Variants in EP400 observed in about 807,000 individuals in gnomAD.
The protein encoded by EP400 is E1A-binding protein p400.
EP400 carries 105 observed loss-of-function variants against 354.1 expected under a neutral mutation model. That is an observed-to-expected ratio of 0.30 (90% CI 0.25 to 0.35). The LOEUF is 0.35. Among genes scored for constraint, EP400 ranks in the 10% least tolerant of loss-of-function variants. The pLI, the probability that EP400 is intolerant of heterozygous loss-of-function variation, is 1.00. For synonymous variants in EP400, 1,646 were observed against 1,716.9 expected (o/e 0.96, Z 1.02); for missense variants, 3,280 against 4,121.0 (o/e 0.80, Z 5.59).
Position 132,029,484 on chromosome 12 carries a change from G to A in EP400, c.5382-217G>A, listed in dbSNP as rs1281506812. ...CATCAGCCCTGGACTGTCTGAATTA[G>A]TCCCCGAGGTGGTGGTTATTGGCCA... On this transcript the variant is annotated intron_variant, in intron 27 of 52. Transcript: ENST00000389561. This position sits in a 1 kb window ranked among gnomAD's most constrained non-coding sequence, Gnocchi z 4.7. 4 of 599,782 alleles carry A rather than the reference G, an allele frequency of 6.7e-6. No individual in the cohort carries two copies. The highest frequency in any genetic ancestry group is 5.6e-5 in the African/African-American group (3 of 53,870). 37.2% of individuals were successfully genotyped at this position (599,782 alleles called of 1,614,324 possible).
rs1411793801 is a variant in EP400 at position 132,079,129 on chromosome 12, T to C, written c.*1456T>C. 1 of 152,260 alleles carries C rather than the reference T, an allele frequency of 6.6e-6. No homozygotes were observed. The highest frequency in any genetic ancestry group is 1.5e-5 in the Non-Finnish European group (1 of 68,048). 9.4% of individuals were successfully genotyped at this position (152,260 alleles called of 1,614,324 possible). On this transcript the variant is annotated 3_prime_UTR_variant, in exon 53 of 53. Transcript: ENST00000389561. ...TTTCATCTGCTTCCTCCCCATTCTC[T>C]CACTTTAAGTGACATTGAGGAAGGT...
At chr12:132,043,787 T>G in intron 34 of EP400, 59 bp downstream of exon 34, 3 of 1,426,718 alleles carry the variant, frequency 2.1e-6, no homozygotes, top group Non-Finnish European at 2.9e-6. Flanking sequence ...GAGTTAAGTT[T>G]GATTTGAAGT....
intron 19 of EP400, among the ~76,000 whole-genome samples, chr12:132,016,561 G>A (rs866541268): frequency 5.3e-5 from 8 of 152,098 alleles, no homozygotes; most frequent in African/African-American, 1.2e-4. Context: ...TAGTAGAGAC[G>A]GGGTTTTACC....
At chr12:132,040,292 T>C (rs1045401835) in intron 32 of EP400, among the ~76,000 whole-genome samples, 1 of 151,974 alleles carries the variant, frequency 6.6e-6, no homozygotes, top group Non-Finnish European at 1.5e-5. Context: ...ACAGCCACCA[T>C]GGGAGACGGC....
intron 37 of EP400, 75 bp downstream of exon 37, chr12:132,045,028 G>GCTGT: frequency 7.4e-7 from 1 of 1,345,404 alleles, no homozygotes. Context: ...GCCACTTTCT[G>GCTGT]CTGTCTGCCT....
chr12:132,028,159 G>C lies in EP400; in HGVS notation c.5252G>C (p.Gly1751Ala). The change falls in exon 27 of 53, where the codon GGG becomes GCG. Residue 1751 changes from glycine to alanine, a missense_variant. Gly to Ala is a moderately conservative substitution (Grantham distance 60, BLOSUM62 0). Coordinates refer to ENST00000389561, the MANE Select transcript of EP400 (RefSeq NM_015409.5). ...LPSHGRVQWR[G>A]SLDGRRGKEA... ...AGCCATGGAAGGGTACAGTGGCGTG[G>C]GTCCCTGGATGGCCGTCGTGGGAAG... 6.2e-7 allele frequency: 1 copy of C among 1,614,132 alleles called. No individual in the cohort carries two copies. Among genetic ancestry groups the C allele is most frequent in the Non-Finnish European group, 8.5e-7 (1 of 1,180,018 alleles).
chr12:131,981,914 C>G (rs1241661123), intron 4 of EP400, among the ~76,000 whole-genome samples, 179 bp from the exon 5 acceptor site: 1 of 152,128 alleles, frequency 6.6e-6, no homozygotes, highest in Non-Finnish European at 1.5e-5. Flanking sequence ...TTGATGCTGA[C>G]TTGCAAAGGT....
At chr12:131,980,693 G>A (rs187747231) in intron 3 of EP400, among the ~76,000 whole-genome samples, 5 of 152,202 alleles carry the variant, frequency 3.3e-5, no homozygotes, top group Non-Finnish European at 5.9e-5. Flanking sequence ...CTACAGGCGC[G>A]TGCCACCACT....
chr12:131,964,196 G>A (rs964978326), intron 2 of EP400, among the ~76,000 whole-genome samples: 1 of 152,096 alleles, frequency 6.6e-6, no homozygotes, highest in Non-Finnish European at 1.5e-5. Context: ...AAAAACACAG[G>A]TCACTCACGC....
chr12:132,055,146 G>C lies in EP400; in HGVS notation c.7822G>C (p.Ala2608Pro), dbSNP rs762615911. The C allele has an allele frequency of 1.2e-5, 19 of 1,607,216 alleles. No individual in the cohort carries two copies. The African/African-American group carries it at 2.0e-4, about 17-fold the overall frequency. The change falls in exon 45 of 53, where the codon GCT becomes CCT. Residue 2608 changes from alanine (A) to proline (P), a missense_variant. Coordinates refer to ENST00000389561, the MANE Select transcript of EP400 (RefSeq NM_015409.5). ...VIVNTIAGVP[A>P]ATFQSINKRL... Reference sequence around the variant, plus strand: ...CGTGAACACCATCGCAGGGGTCCCAGCTGCCACCTTCCAGTCCATCAACAA... The same window carrying C: ...CGTGAACACCATCGCAGGGGTCCCACCTGCCACCTTCCAGTCCATCAACAA...
rs4076323 is a variant in EP400 at position 132,025,432 on chromosome 12, T to C, written c.4856-214T>C. Among the ~76,000 whole-genome samples the C allele has an allele frequency of 0.28, 42,115 of 152,166 alleles. 9,770 individuals are homozygous for C. Among genetic ancestry groups the C allele is most frequent in the African/African-American group, 0.64 (26,520 of 41,482 alleles). The stretch of plus-strand genomic sequence containing the variant: ...GAGGGTAGATGGCCTTTTCTTGACA[T>C]GGAGCAAGATACCTTGTCTCTTAGT... On this transcript the variant is annotated intron_variant, in intron 24 of 52. Transcript: ENST00000389561. This position sits in a 1 kb window ranked among gnomAD's most constrained non-coding sequence, Gnocchi z 4.1.
intron 5 of EP400, among the ~76,000 whole-genome samples, chr12:131,983,736 G>T (rs1356509813): frequency 6.6e-5 from 10 of 152,216 alleles, no homozygotes; most frequent in African/African-American, 2.4e-4. Flanking sequence ...CTGGAATGCA[G>T]TGACACGATC....
intron 45 of EP400, among the ~76,000 whole-genome samples, chr12:132,061,560 G>T (rs1293178405): frequency 2.0e-5 from 3 of 152,240 alleles, no homozygotes; most frequent in African/African-American, 7.2e-5. Context: ...AGGCAAGGTG[G>T]GATAGGGTGA....
At position 132,066,897 on chromosome 12, in the gene EP400, C is replaced by T; in HGVS notation, c.8677C>T (p.Pro2893Ser). 2 of 1,613,320 alleles carry T rather than the reference C, an allele frequency of 1.2e-6. No homozygotes were observed. Among genetic ancestry groups the T allele is most frequent in the Non-Finnish European group, 1.7e-6 (2 of 1,179,726 alleles). Reference sequence around the variant, plus strand: ...CGTCCCGGCAGCTGTGGTCTCCTCACCGGGAGTCACCACCCTGCCCATGAA... The same window carrying T: ...CGTCCCGGCAGCTGTGGTCTCCTCATCGGGAGTCACCACCCTGCCCATGAA... ...VSVPAAVVSS[P>S]GVTTLPMNVA... The change falls in exon 49 of 53, where the codon CCG (proline) becomes TCG (serine). Residue 2893 changes from proline to serine, a missense_variant. By Grantham distance (74) the Pro-to-Ser change is moderately conservative (BLOSUM62 -1). This residue lies in a region of EP400 where 279 missense variants were observed against 386.7 expected (regional missense o/e 0.72). Coordinates refer to ENST00000389561, the MANE Select transcript of EP400 (RefSeq NM_015409.5).
At position 132,006,267 on chromosome 12, in the gene EP400, A is replaced by G. The variant is rs761082909; in HGVS notation, c.3091A>G (p.Ile1031Val). Residue 1031 changes from isoleucine to valine, a missense_variant, in exon 14 of 53, where the codon ATC becomes GTC. By Grantham distance (29) the Ile-to-Val change is conservative. Around this residue, in one of 20 missense-constraint regions of EP400, gnomAD observed 800 missense variants for 840.0 expected, o/e 0.95. Coordinates refer to ENST00000389561, the MANE Select transcript of EP400 (RefSeq NM_015409.5). The part of the protein sequence containing the change: ...IADVTAVAEA[I>V]LPKGSARVTT... ...GGACGTCACTGCGGTGGCTGAAGCC[A>G]TCCTGCCGAAGGGCAGTGCTCGGGT... is the stretch of plus-strand genomic sequence containing the variant. The G allele has an allele frequency of 3.7e-6, 6 of 1,614,128 alleles. No homozygotes were observed. Among genetic ancestry groups the G allele is most frequent in the Admixed American group, 3.3e-5 (2 of 60,006 alleles).
chr12:131,956,873 C>CTTTTTTTT (rs58567170), intron 1 of EP400, among the ~76,000 whole-genome samples: 6 of 115,404 alleles, frequency 5.2e-5, no homozygotes, highest in African/African-American at 2.0e-4. Flanking sequence ...TTTTTTTGTC[C>CTTTTTTTT]TTTTTTTTTT....
At chr12:132,039,941 G>A (rs1894841860) in intron 32 of EP400, among the ~76,000 whole-genome samples, 1 of 152,240 alleles carries the variant, frequency 6.6e-6, no homozygotes. Context: ...TGGGGTGGCT[G>A]AGGCGGGAGG....
At chr12:131,981,732 C>T (rs907262705) in intron 4 of EP400, 136 bp downstream of exon 4, 7 of 702,876 alleles carry the variant, frequency 1.0e-5, no homozygotes, top group Non-Finnish European at 1.7e-5. Flanking sequence ...TGAGATACTT[C>T]TCTGAGTCCC....
At position 131,986,701 on chromosome 12, in the gene EP400, C is replaced by T. The variant is rs1194636533; in HGVS notation, c.2117C>T (p.Thr706Ile). The change falls in exon 6 of 53, where the codon ACC becomes ATC. Residue 706 changes from threonine to isoleucine, a missense_variant. Thr to Ile is a moderately conservative substitution (Grantham distance 89). Transcript: ENST00000389561. ...GCACTATCTCCAGTCACTTCCCGGA[C>T]CCCAGGGGTGGTGGCATCTGCCCCC... ...NKALSPVTSR[T>I]PGVVASAPTK... The T allele has an allele frequency of 6.2e-7, 1 of 1,614,200 alleles. No homozygotes were observed. The highest frequency in any genetic ancestry group is 8.5e-7 in the Non-Finnish European group (1 of 1,180,036).
Sources: allele counts gnomAD v4.1 joint callset (sites outside exome capture counted in the v4.1 genomes callset), GRCh38; gene constraint gnomAD v4.1.1; regional missense constraint gnomAD v4.1.1; non-coding constraint Gnocchi (gnomAD v3.1); transcripts MANE v1.5; gene names NCBI Gene and HGNC (gene_info 2026-07-23, HGNC 2026-07-21).